Variants in NDRG3 observed in about 807,000 individuals in gnomAD.
The protein encoded by NDRG3 is protein NDRG3.
A neutral mutation model predicts 57.2 loss-of-function variants in NDRG3; 23 were observed. That is an observed-to-expected ratio of 0.40 (90% confidence interval 0.29 to 0.57). NDRG3 has a LOEUF of 0.57. NDRG3 is among the 20% of genes least tolerant of loss of function. The probability of loss-of-function intolerance (pLI) is 0.42; values close to 1 mark genes in which losing one functional copy is unlikely to be tolerated. For synonymous variants in NDRG3, 132 were observed against 162.6 expected (o/e 0.81, Z 1.43); for missense variants, 384 against 457.3 (o/e 0.84, Z 1.46).
intron 1 of NDRG3, among the ~76,000 whole-genome samples, chr20:36,727,604 A>AT (rs1985020748): frequency 1.4e-5 from 2 of 145,184 alleles, no homozygotes; most frequent in African/African-American, 5.1e-5. Context: ...GTGCAGTGGC[A>AT]CATCTCAGCT....
At chr20:36,671,221 T>C (rs1264180839) in intron 9 of NDRG3, 120 bp downstream of exon 9, 12 of 796,170 alleles carry the variant, frequency 1.5e-5, no homozygotes, top group Non-Finnish European at 2.5e-5. Context: ...TCAGACTACA[T>C]TGGAACTGTT....
chr20:36,684,166 C>A (rs990236883), intron 6 of NDRG3, among the ~76,000 whole-genome samples: 2 of 152,142 alleles, frequency 1.3e-5, no homozygotes, highest in Non-Finnish European at 2.9e-5. Flanking sequence ...GTGTGTGCCA[C>A]CTTCCTAGAG....
rs757162409 is a variant in NDRG3 at position 36,687,560 on chromosome 20, G to T, written c.252C>A (p.Thr84=). 1.9e-6 allele frequency: 3 copies of T among 1,614,004 alleles called. No individual in the cohort carries two copies. Among genetic ancestry groups the T allele is most frequent in the Admixed American group, 3.3e-5 (2 of 60,010 alleles). ...FFNFEDMQEI[T]QHFAVCHVDA... Reference sequence around the variant, plus strand: ...CCACATGACAGACAGCAAAGTGCTGGGTGATCTCTTGCATATCCTCAAAGT... The same window carrying T: ...CCACATGACAGACAGCAAAGTGCTGTGTGATCTCTTGCATATCCTCAAAGT... Residue 84 remains threonine (T), a synonymous_variant, in exon 5 of 16, where the codon ACC becomes ACA. Coordinates refer to ENST00000349004, the MANE Select transcript of NDRG3 (RefSeq NM_032013.4).
intron 1 of NDRG3, among the ~76,000 whole-genome samples, chr20:36,745,641 A>T (rs1458698491): frequency 3.3e-5 from 5 of 152,144 alleles, no homozygotes; most frequent in Admixed American, 3.3e-4. Context: ...CCCCTCTTCC[A>T]AGCATCTGGG....
chr20:36,703,653 T>C (rs1442628482), intron 3 of NDRG3, among the ~76,000 whole-genome samples: 2 of 152,256 alleles, frequency 1.3e-5, no homozygotes, highest in South Asian at 4.1e-4. Context: ...GGTCTCCCTA[T>C]GTTGCTCAGG....
chr20:36,671,927 C>G (rs1980209331), intron 8 of NDRG3, among the ~76,000 whole-genome samples: 1 of 151,924 alleles, frequency 6.6e-6, no homozygotes, highest in Non-Finnish European at 1.5e-5. Flanking sequence ...AATAATAAAG[C>G]CTGCTATGAA....
At chr20:36,740,691 A>G (rs1985887686) in intron 1 of NDRG3, among the ~76,000 whole-genome samples, 1 of 152,206 alleles carries the variant, frequency 6.6e-6, no homozygotes, top group African/African-American at 2.4e-5. Context: ...GTCATGTACT[A>G]TGAGACATAT....
intron 1 of NDRG3, among the ~76,000 whole-genome samples, chr20:36,739,134 CAAA>C (rs57208101): frequency 1.2e-3 from 106 of 87,234 alleles, no homozygotes; most frequent in African/African-American, 6.0e-3. Context: ...GACCCCATCT[CAAA>C]AAAAAAAAAA....
intron 2 of NDRG3, among the ~76,000 whole-genome samples, chr20:36,719,194 C>T (rs1332812147): frequency 4.6e-5 from 7 of 151,996 alleles, no homozygotes; most frequent in Admixed American, 3.9e-4. Context: ...TTTTGGAGGC[C>T]GAGGCGGGTG....
In NDRG3 at chr20:36,697,281, C is replaced by T. The variant is rs75292318; in HGVS notation, c.94-8497G>A. On this transcript the variant is annotated intron_variant, in intron 3 of 15. Coordinates refer to ENST00000349004, the MANE Select transcript of NDRG3 (RefSeq NM_032013.4). Reference sequence around the variant, plus strand: ...GGGCAGTCCTGATCATAAACCTGGCCGCATTTACACAAAACAGAGTTAGCC... The same window carrying T: ...GGGCAGTCCTGATCATAAACCTGGCTGCATTTACACAAAACAGAGTTAGCC... Among the ~76,000 whole-genome samples, 55 of 152,252 alleles carry T rather than the reference C, an allele frequency of 3.6e-4. No homozygotes were observed. The East Asian group carries it at 7.7e-3, about 21-fold the overall frequency.
intron 1 of NDRG3, among the ~76,000 whole-genome samples, chr20:36,730,019 G>A (rs1985179248): frequency 6.6e-6 from 1 of 151,730 alleles, no homozygotes; most frequent in South Asian, 2.1e-4. Flanking sequence ...GGCCAAGGCG[G>A]GCAGATCACC....
intron 3 of NDRG3, among the ~76,000 whole-genome samples, chr20:36,701,296 G>A (rs572425748): frequency 1.3e-5 from 2 of 152,088 alleles, no homozygotes; most frequent in Non-Finnish European, 2.9e-5. Context: ...TAGCATTCTG[G>A]GAAGCCAAGG....
intron 1 of NDRG3, among the ~76,000 whole-genome samples, chr20:36,726,221 C>T (rs968663631): frequency 9.2e-5 from 14 of 152,300 alleles, no homozygotes; most frequent in African/African-American, 3.4e-4. Flanking sequence ...CCATACCCAT[C>T]CCTAAGTATT....
intron 13 of NDRG3, among the ~76,000 whole-genome samples, chr20:36,657,902 C>T (rs2148021304): frequency 6.6e-6 from 1 of 152,210 alleles, no homozygotes; most frequent in African/African-American, 2.4e-5. Context: ...CAGAACAGTT[C>T]CCATATGCAG....
chr20:36,671,380 G>A lies in NDRG3; in HGVS notation c.549C>T (p.Thr183=). ...GAGCCAAAATAATGTCCACAACATT[G>A]GTTGTCAGGCCAGAGAGCTGAAAAG... ...WAASKLSGLT[T]NVVDIILAHH... The change falls in exon 9 of 16, where the codon ACC becomes ACT. Residue 183 remains threonine (T), a synonymous_variant. Coordinates refer to ENST00000349004, the MANE Select transcript of NDRG3 (RefSeq NM_032013.4). The A allele has an allele frequency of 1.2e-6, 2 of 1,613,852 alleles. No individual in the cohort carries two copies. Among genetic ancestry groups the A allele is most frequent in the Non-Finnish European group, 1.7e-6 (2 of 1,179,814 alleles).
chr20:36,703,394 G>A (rs969924287), intron 3 of NDRG3, among the ~76,000 whole-genome samples: 5 of 150,878 alleles, frequency 3.3e-5, no homozygotes, highest in East Asian at 1.9e-4. Context: ...TGAGACCCTC[G>A]TCTCTAAATA....
intron 14 of NDRG3, 25 bp downstream of exon 14, chr20:36,656,472 G>C (rs1239254122): frequency 6.2e-7 from 1 of 1,613,936 alleles, no homozygotes; most frequent in African/African-American, 1.3e-5. Flanking sequence ...GAATTAAATG[G>C]GTGTTTAAAA....
chr20:36,712,830 A>G (rs1049246222), intron 2 of NDRG3, among the ~76,000 whole-genome samples: 1 of 151,738 alleles, frequency 6.6e-6, no homozygotes, highest in Non-Finnish European at 1.5e-5. Flanking sequence ...TTCTGGGCTC[A>G]AGCAATCTGC....
chr20:36,717,924 A>C (rs888398015), intron 2 of NDRG3, among the ~76,000 whole-genome samples: 5 of 152,230 alleles, frequency 3.3e-5, no homozygotes, highest in Non-Finnish European at 7.3e-5. Flanking sequence ...TACAATGCAC[A>C]GAGCAGTGTT....
Sources: allele counts gnomAD v4.1 joint callset (sites outside exome capture counted in the v4.1 genomes callset), GRCh38; gene constraint gnomAD v4.1.1; transcripts MANE v1.5; gene names NCBI Gene and HGNC (gene_info 2026-07-23, HGNC 2026-07-21).